Variants in ZFAND3 observed in about 807,000 individuals in gnomAD.
ZFAND3 encodes the protein AN1-type zinc finger protein 3.
A neutral mutation model predicts 29.6 loss-of-function variants in ZFAND3; 10 were observed. The ratio of observed to expected loss-of-function variants is 0.34; its 90% confidence interval spans 0.21 to 0.57. The LOEUF (loss-of-function observed/expected upper bound fraction) is 0.57. ZFAND3 is among the 20% of genes least tolerant of loss of function. ZFAND3 has a pLI of 0.86. For missense variants in ZFAND3, 230 were observed against 304.5 expected (o/e 0.76, Z 1.82); for synonymous variants, 128 against 112.6 (o/e 1.14, Z -0.87).
At chr6:38,103,413 GTATATACACACACA>G (rs1765136738) in intron 4 of ZFAND3, among the ~76,000 whole-genome samples, 3 of 130,688 alleles carry the variant, frequency 2.3e-5, no homozygotes, top group Admixed American at 2.3e-4. Context: ...ACACACACAC[GTATATACACACACA>G]TATATATACA....
intron 1 of ZFAND3, among the ~76,000 whole-genome samples, chr6:37,923,574 T>C (rs967269989): frequency 6.6e-6 from 1 of 152,220 alleles, no homozygotes; most frequent in South Asian, 2.1e-4. Context: ...GTATAGTAAA[T>C]ACACAAACCA....
intron 1 of ZFAND3, among the ~76,000 whole-genome samples, chr6:37,916,413 A>G (rs1017480550): frequency 2.6e-5 from 4 of 152,042 alleles, no homozygotes; most frequent in Non-Finnish European, 2.9e-5. Context: ...TAATCCCAGC[A>G]CTTTGAGAGG....
intron 1 of ZFAND3, among the ~76,000 whole-genome samples, chr6:37,919,816 G>T (rs1362022827): frequency 1.3e-5 from 2 of 152,154 alleles, no homozygotes; most frequent in African/African-American, 4.8e-5. Context: ...CTAGTTTGTT[G>T]TTGTAACCAT....
chr6:37,893,274 G>A (rs115427685), intron 1 of ZFAND3, among the ~76,000 whole-genome samples: 2 of 152,138 alleles, frequency 1.3e-5, no homozygotes, highest in Non-Finnish European at 2.9e-5. Context: ...GGAGTATAAG[G>A]TTGGTTTAAC....
intron 2 of ZFAND3, among the ~76,000 whole-genome samples, chr6:37,977,847 C>T (rs868788794): frequency 7.9e-6 from 1 of 127,306 alleles, no homozygotes; most frequent in African/African-American, 3.2e-5. Flanking sequence ...TTCCTTCCTT[C>T]CTTCCTTCCT....
intron 2 of ZFAND3, among the ~76,000 whole-genome samples, chr6:38,058,586 A>G (rs899125775): frequency 6.6e-6 from 1 of 152,214 alleles, no homozygotes; most frequent in East Asian, 1.9e-4. Flanking sequence ...CTAACTGGCT[A>G]CATTCATTGC....
Position 38,116,659 on chromosome 6 carries a change from A to G in ZFAND3, c.449A>G (p.Lys150Arg). 1 of 1,614,168 alleles carries G rather than the reference A, an allele frequency of 6.2e-7. No individual in the cohort carries two copies. Among genetic ancestry groups the G allele is most frequent in the Non-Finnish European group, 8.5e-7 (1 of 1,179,994 alleles). ...TERSEETSRS[K>R]QKSRRRCFQC... is the part of the protein sequence containing the mutation. ...CGGTCCGAGGAAACCAGTCGATCTA[A>G]ACAGAAGAGTCGACGTCGGTGCTTC... Residue 150 changes from lysine to arginine, a missense_variant, in exon 5 of 6, where the codon AAA becomes AGA. By Grantham distance (26) the Lys-to-Arg change is conservative (BLOSUM62 2). Around this residue, in one of 2 missense-constraint regions of ZFAND3, gnomAD observed 180 missense variants for 202.5 expected, o/e 0.89. Coordinates refer to ENST00000287218, the MANE Select transcript of ZFAND3 (RefSeq NM_021943.3).
At chr6:38,017,028 TCATCA>T (rs752241815) in intron 2 of ZFAND3, among the ~76,000 whole-genome samples, 3 of 152,228 alleles carry the variant, frequency 2.0e-5, no homozygotes, top group South Asian at 2.1e-4. Flanking sequence ...CTGACCAAAT[TCATCA>T]CATTGGGAAG....
intron 1 of ZFAND3, among the ~76,000 whole-genome samples, chr6:37,884,494 C>CAAAAAAAAAAAAA (rs58015486): frequency 3.7e-5 from 2 of 53,838 alleles, no homozygotes; most frequent in Non-Finnish European, 3.0e-5. Flanking sequence ...AACTCTAGCT[C>CAAAAAAAAAAAAA]AAAAAAAAAA....
At chr6:37,938,435 C>T (rs1254390299) in intron 2 of ZFAND3, among the ~76,000 whole-genome samples, 2 of 152,130 alleles carry the variant, frequency 1.3e-5, no homozygotes, top group African/African-American at 2.4e-5. Flanking sequence ...TATCTAGTCC[C>T]CTGTAGAGGG....
intron 1 of ZFAND3, among the ~76,000 whole-genome samples, chr6:37,868,194 A>G (rs1294000699): frequency 6.6e-6 from 1 of 152,232 alleles, no homozygotes; most frequent in African/African-American, 2.4e-5. Context: ...AAATGATGAT[A>G]TGGTTTTTCT....
intron 3 of ZFAND3, among the ~76,000 whole-genome samples, chr6:38,062,086 C>T (rs1371540459): frequency 6.6e-6 from 1 of 152,198 alleles, no homozygotes; most frequent in Non-Finnish European, 1.5e-5. Flanking sequence ...CCCTCGTTCT[C>T]ATTTAATTGA....
At chr6:37,827,034 A>G (rs1763773184) in intron 1 of ZFAND3, among the ~76,000 whole-genome samples, 1 of 152,170 alleles carries the variant, frequency 6.6e-6, no homozygotes. Flanking sequence ...AGAATTTTCA[A>G]GCCTGTTTTC....
At chr6:38,056,524 G>T (rs1764137478) in intron 2 of ZFAND3, among the ~76,000 whole-genome samples, 1 of 152,198 alleles carries the variant, frequency 6.6e-6, no homozygotes, top group East Asian at 1.9e-4. Flanking sequence ...CATATCAAAG[G>T]GAGTATTGCA....
intron 1 of ZFAND3, among the ~76,000 whole-genome samples, chr6:37,922,291 A>G (rs2127409465): frequency 6.6e-6 from 1 of 152,278 alleles, no homozygotes. Context: ...AATATTTATA[A>G]TAGGAAAAAT....
intron 2 of ZFAND3, among the ~76,000 whole-genome samples, chr6:37,983,396 G>T (rs1310243810): frequency 9.9e-6 from 1 of 100,562 alleles, no homozygotes; most frequent in Admixed American, 1.6e-4. Flanking sequence ...TGCTCTTGTT[G>T]CCTAGGCTGG....
chr6:37,823,317 G>A (rs1763700492), intron 1 of ZFAND3, among the ~76,000 whole-genome samples: 1 of 152,136 alleles, frequency 6.6e-6, no homozygotes, highest in Admixed American at 6.5e-5. Flanking sequence ...ATTTTATGCA[G>A]CTTTGCACTC....
rs1242529589 is a variant in ZFAND3, at chr6:37,966,238, A to AC, written c.112+36239_112+36240insC. ...GCAGGTTCTAGAAATAGTAACTGTG[A>AC]TTGATGACTAAAAGTCTATACAAAT... On this transcript the variant is annotated intron_variant, in intron 2 of 5. Coordinates refer to ENST00000287218, the MANE Select transcript of ZFAND3 (RefSeq NM_021943.3). 2.6e-5 allele frequency among the ~76,000 whole-genome samples: 4 copies of AC among 152,332 alleles called. No individual in the cohort carries two copies. In the East Asian group the frequency reaches 7.7e-4, roughly 29 times the overall value.
chr6:37,859,862 G>GGTT (rs1764448370), intron 1 of ZFAND3, among the ~76,000 whole-genome samples: 2 of 133,310 alleles, frequency 1.5e-5, no homozygotes, highest in African/African-American at 5.5e-5. Context: ...GCTGGAGTGG[G>GGTT]TTTTTTTTTT....
Sources: gnomAD v4.1 joint callset for allele counts (sites outside exome capture counted in the v4.1 genomes callset) on GRCh38, gnomAD v4.1.1 for gene constraint, gnomAD v4.1.1 regional missense constraint, MANE v1.5 for transcripts, NCBI Gene and HGNC (gene_info 2026-07-23, HGNC 2026-07-21) for gene names.